The following HIRA variants were observed in gnomAD, a reference collection of about 807,000 sequenced individuals.
The protein encoded by HIRA is histone cell cycle regulator.
In HIRA, 13 loss-of-function variants were observed where a neutral mutation model predicts 126.6. The observed-to-expected ratio is 0.10, with a 90% CI of 0.07 to 0.16. HIRA has a LOEUF of 0.16. Ranked by LOEUF, HIRA falls within the 10% of genes least tolerant of loss-of-function variation. The pLI is 1.00. For missense variants in HIRA, 834 were observed against 1,314.4 expected (o/e 0.63, Z 5.65); for synonymous variants, 511 against 520.0 (o/e 0.98, Z 0.24).
chr22:19,333,609 T>C (rs2088521235), intron 24 of HIRA, among the ~76,000 whole-genome samples: 1 of 152,202 alleles, frequency 6.6e-6, no homozygotes, highest in South Asian at 2.1e-4. Flanking sequence ...GCTCTTGTAT[T>C]AGTAGACCCC....
At chr22:19,347,000 C>A (rs550776248) in intron 24 of HIRA, among the ~76,000 whole-genome samples, 1 of 152,128 alleles carries the variant, frequency 6.6e-6, no homozygotes, top group Non-Finnish European at 1.5e-5. Flanking sequence ...ACCACCACGG[C>A]CCAGAGTGCT....
chr22:19,431,349 G>T, intron 1 of HIRA, 91 bp downstream of exon 1: 3 of 1,425,194 alleles, frequency 2.1e-6, no homozygotes, highest in Middle Eastern at 1.8e-4. Context: ...CGTCAGGGGC[G>T]AGACAGGCAG....
At chr22:19,407,076 G>A in intron 4 of HIRA, 108 bp downstream of exon 4, 1 of 880,088 alleles carries the variant, frequency 1.1e-6, no homozygotes, top group South Asian at 1.4e-5. Flanking sequence ...TACTTATGAG[G>A]TCAGGGCTAT....
chr22:19,363,510 A>G (rs1053210601), intron 15 of HIRA, among the ~76,000 whole-genome samples: 1 of 152,208 alleles, frequency 6.6e-6, no homozygotes, highest in Non-Finnish European at 1.5e-5. Context: ...ACAACCTGGA[A>G]CAGGCAAAAC....
Position 19,410,808 on chromosome 22 carries a change from C to T in HIRA, c.38-30G>A, listed in dbSNP as rs185837603. Reference sequence around the variant, plus strand: ...AAACAAAGAAAAAAAAATACAGTATCTAAATTGGCTTTTATTCATTGAAGT... The same window carrying T: ...AAACAAAGAAAAAAAAATACAGTATTTAAATTGGCTTTTATTCATTGAAGT... On this transcript the variant is annotated intron_variant, in intron 1 of 24. Transcript: ENST00000263208. 1.9e-6 allele frequency: 3 copies of T among 1,575,298 alleles called. No homozygotes were observed. The East Asian group carries it at 6.7e-5, about 35-fold the overall frequency.
At position 19,406,885 on chromosome 22, in the gene HIRA, C is replaced by T. The variant is rs531240557; in HGVS notation, c.302+299G>A. On this transcript the variant is annotated intron_variant, in intron 4 of 24. Transcript: ENST00000263208. ...ACTTTTAACCATTTTGTATATTGGG[C>T]TTCCATGTGAAATTTCACTTGAAAA... Among the ~76,000 whole-genome samples, 4 of 152,322 alleles carry T rather than the reference C, an allele frequency of 2.6e-5. No homozygotes were observed. The South Asian group carries it at 6.2e-4, about 24-fold the overall frequency.
chr22:19,397,018 G>T, intron 6 of HIRA, 71 bp from the exon 7 acceptor site: 2 of 1,433,152 alleles, frequency 1.4e-6, no homozygotes, highest in Non-Finnish European at 1.9e-6. Flanking sequence ...TGGGCCATGG[G>T]ATGGATATGC....
At chr22:19,365,135 A>G (rs897962229) in intron 15 of HIRA, among the ~76,000 whole-genome samples, 5 of 152,270 alleles carry the variant, frequency 3.3e-5, no homozygotes, top group Non-Finnish European at 5.9e-5. Context: ...GTCTGAAGCT[A>G]GCAGAGGTTG....
intron 1 of HIRA, among the ~76,000 whole-genome samples, chr22:19,428,809 T>G (rs2089508157): frequency 6.6e-6 from 1 of 152,062 alleles, no homozygotes; most frequent in Admixed American, 6.6e-5. Flanking sequence ...TGTTTGTGCT[T>G]CACAAAATTG....
In HIRA at chr22:19,361,270, T is replaced by C; in HGVS notation, c.2052A>G (p.Pro684=). 6.2e-7 allele frequency: 1 copy of C among 1,614,168 alleles called. No homozygotes were observed. Among genetic ancestry groups the C allele is most frequent in the Non-Finnish European group, 8.5e-7 (1 of 1,180,008 alleles). Residue 684 remains proline (P), a synonymous_variant, in exon 17 of 25, where the codon CCA becomes CCG. Transcript: ENST00000263208. The stretch of plus-strand genomic sequence containing the variant: ...TGAATGCTCTCTGGGGGCTTGGAAT[T>C]GGCAGCTTCAGTGCAAGTGCTGGTG... ...LSAPALALKL[P]IPSPQRAFTL...
chr22:19,384,300 G>C (rs2089103773), intron 12 of HIRA, among the ~76,000 whole-genome samples: 2 of 131,978 alleles, frequency 1.5e-5, no homozygotes, highest in Non-Finnish European at 3.1e-5. Flanking sequence ...CTCCAGCCTG[G>C]TGACAGAGCG....
chr22:19,426,896 C>A (rs1345929202), intron 1 of HIRA, among the ~76,000 whole-genome samples: 1 of 152,160 alleles, frequency 6.6e-6, no homozygotes, highest in East Asian at 1.9e-4. Flanking sequence ...TTACTGACTT[C>A]ATGAACAGAT....
At chr22:19,349,399 G>A (rs187073689) in intron 24 of HIRA, among the ~76,000 whole-genome samples, 29 of 152,228 alleles carry the variant, frequency 1.9e-4, no homozygotes, top group Admixed American at 9.2e-4. Flanking sequence ...CACTGTGCCC[G>A]GCGATACAGC....
Position 19,405,869 on chromosome 22 carries a change from G to A in HIRA, c.314C>T (p.Pro105Leu). Residue 105 changes from proline (P) to leucine (L), a missense_variant, in exon 5 of 25, where the codon CCC (proline) becomes CTC (leucine). Coordinates refer to ENST00000263208, the MANE Select transcript of HIRA (RefSeq NM_003325.4). ...MVWKRATYIG[P>L]STVFGSSGKL... ...ACCACTGGAGCCGAACACGGTGCTG[G>A]GGCCGATGTACCTGTGTGAGAAAGG... 2 of 1,494,266 alleles carry A rather than the reference G, an allele frequency of 1.3e-6. No individual in the cohort carries two copies. The highest frequency in any genetic ancestry group is 5.2e-5 in the East Asian group (2 of 38,290). 92.6% of individuals were successfully genotyped at this position (1,494,266 alleles called of 1,614,324 possible).
intron 13 of HIRA, among the ~76,000 whole-genome samples, chr22:19,381,077 G>C (rs1201660094): frequency 6.6e-6 from 1 of 152,126 alleles, no homozygotes; most frequent in Non-Finnish European, 1.5e-5. Flanking sequence ...ATTTCTTTGA[G>C]TTTTCTTTGA....
intron 12 of HIRA, 85 bp downstream of exon 12, chr22:19,385,436 C>CT: frequency 7.4e-7 from 1 of 1,352,244 alleles, no homozygotes; most frequent in Non-Finnish European, 1.0e-6. Flanking sequence ...AAACAAACCC[C>CT]TTCCTTACCA....
chr22:19,362,039 C>CTG, intron 15 of HIRA, 108 bp from the exon 16 acceptor site: 2 of 1,033,490 alleles, frequency 1.9e-6, no homozygotes, highest in South Asian at 3.1e-5. Context: ...ACCTAGAATT[C>CTG]TGTGTCCAGT....
chr22:19,431,419 G>A (rs749533485), intron 1 of HIRA, 21 bp downstream of exon 1: 6 of 1,607,558 alleles, frequency 3.7e-6, no homozygotes, highest in Non-Finnish European at 5.1e-6. Context: ...TCGGCCTCCC[G>A]CGACCCCTGC....
chr22:19,355,887 G>A (rs1775830045), intron 20 of HIRA, 22 bp from the exon 21 acceptor site: 1 of 1,513,172 alleles, frequency 6.6e-7, no homozygotes, highest in South Asian at 1.1e-5. Context: ...ATGGGAATGA[G>A]TTCTGGGTGT....
Sources: allele counts gnomAD v4.1 joint callset (sites outside exome capture counted in the v4.1 genomes callset), GRCh38; gene constraint gnomAD v4.1.1; transcripts MANE v1.5; gene names NCBI Gene and HGNC (gene_info 2026-07-23, HGNC 2026-07-21).